The following SLC9A9 variants were observed in gnomAD, a reference collection of about 807,000 sequenced individuals.
SLC9A9 encodes sodium/hydrogen exchanger 9.
A neutral mutation model predicts 77.8 loss-of-function variants in SLC9A9; 62 were observed. The observed-to-expected ratio is 0.80, with a 90% confidence interval of 0.65 to 0.98. SLC9A9 has a LOEUF of 0.98. Ranked by LOEUF, SLC9A9 falls within the 50% of genes least tolerant of loss-of-function variation. The probability of loss-of-function intolerance (pLI) is 0.00; values close to 1 mark genes in which losing one functional copy is unlikely to be tolerated. For missense variants in SLC9A9, 775 were observed against 774.9 expected, an observed-to-expected ratio of 1.00 and a Z score of 0.00; for synonymous variants, 320 against 283.5, an observed-to-expected ratio of 1.13 and a Z score of -1.29.
chr3:143,815,399 C>T (rs936510882), intron 2 of SLC9A9, among the ~76,000 whole-genome samples: 2 of 152,156 alleles, frequency 1.3e-5, no homozygotes, highest in African/African-American at 4.8e-5. Flanking sequence ...TTAGAGGCCA[C>T]TAGTTGGGGA....
chr3:143,585,174 T>C (rs2037521192), intron 6 of SLC9A9, among the ~76,000 whole-genome samples: 1 of 152,166 alleles, frequency 6.6e-6, no homozygotes. Flanking sequence ...TTTCCTTGGG[T>C]TGGGTCAGTA....
intron 4 of SLC9A9, among the ~76,000 whole-genome samples, chr3:143,761,732 C>T (rs887964099): frequency 1.6e-4 from 25 of 152,298 alleles, no homozygotes; most frequent in Middle Eastern, 3.4e-3. Flanking sequence ...AACACTTTTA[C>T]ACTGTTGGTG....
chr3:143,370,567 GCACA>G (rs57705324), intron 13 of SLC9A9, among the ~76,000 whole-genome samples: 2,771 of 143,370 alleles, frequency 0.019, 22 homozygotes, highest in Non-Finnish European at 0.024. Flanking sequence ...GCATGTGCGC[GCACA>G]CACACACACA....
intron 11 of SLC9A9, among the ~76,000 whole-genome samples, chr3:143,485,204 A>G (rs1317159024): frequency 1.3e-5 from 2 of 152,270 alleles, no homozygotes; most frequent in East Asian, 3.9e-4. Flanking sequence ...AATATCAAAA[A>G]TCTGTGTTCT....
intron 8 of SLC9A9, among the ~76,000 whole-genome samples, chr3:143,562,755 T>TA (rs1278886703): frequency 2.6e-5 from 4 of 151,598 alleles, no homozygotes; most frequent in African/African-American, 9.7e-5. Context: ...AAGCAATCCT[T>TA]AAATGCAACT....
At chr3:143,357,053 C>T (rs1215995921) in intron 14 of SLC9A9, among the ~76,000 whole-genome samples, 1 of 152,166 alleles carries the variant, frequency 6.6e-6, no homozygotes, top group Non-Finnish European at 1.5e-5. Context: ...AGTTATAATG[C>T]CATGTGCATA....
At chr3:143,455,856 C>G (rs2035082081) in intron 12 of SLC9A9, among the ~76,000 whole-genome samples, 2 of 150,844 alleles carry the variant, frequency 1.3e-5, no homozygotes, top group South Asian at 4.2e-4. Context: ...GAAAATTGGG[C>G]ACTTTTATTT....
chr3:143,785,845 CTTTTTTTTTTTT>C (rs57552730), intron 4 of SLC9A9, among the ~76,000 whole-genome samples: 8 of 113,006 alleles, frequency 7.1e-5, no homozygotes, highest in South Asian at 2.7e-4. Context: ...TTGAATTTTT[CTTTTTTTTTTTT>C]TTTTTTTTTT....
At chr3:143,775,132 C>G (rs2007648984) in intron 4 of SLC9A9, among the ~76,000 whole-genome samples, 1 of 152,130 alleles carries the variant, frequency 6.6e-6, no homozygotes, top group African/African-American at 2.4e-5. Context: ...ATACTTAAAG[C>G]CTGAATATGC....
intron 12 of SLC9A9, among the ~76,000 whole-genome samples, chr3:143,400,101 A>T (rs1435241387): frequency 6.6e-6 from 1 of 152,154 alleles, no homozygotes; most frequent in African/African-American, 2.4e-5. Context: ...ACACATCTTG[A>T]CTTCAAAAAT....
chr3:143,549,256 TAA>T, intron 9 of SLC9A9, among the ~76,000 whole-genome samples: 1 of 152,326 alleles, frequency 6.6e-6, no homozygotes, highest in South Asian at 2.1e-4. Flanking sequence ...GTAGTGTGGC[TAA>T]GAGCCTCTGA....
chr3:143,740,130 G>A (rs553311675), intron 4 of SLC9A9, among the ~76,000 whole-genome samples: 17 of 152,222 alleles, frequency 1.1e-4, no homozygotes, highest in South Asian at 2.1e-4. Flanking sequence ...TAAAGAAGCC[G>A]CCAACTTGGT....
At chr3:143,363,341 T>C in intron 14 of SLC9A9, 143 bp downstream of exon 14, 3 of 772,262 alleles carry the variant, frequency 3.9e-6, no homozygotes, top group Non-Finnish European at 6.6e-6. Context: ...TATGAAATCA[T>C]TCCTTTTTAT....
chr3:143,809,252 C>T (rs951099271), intron 2 of SLC9A9, among the ~76,000 whole-genome samples: 5 of 152,176 alleles, frequency 3.3e-5, no homozygotes, highest in African/African-American at 1.2e-4. Flanking sequence ...ATCACTCAAC[C>T]AGAACATTTC....
chr3:143,469,235 A>T (rs1244939376), intron 11 of SLC9A9, among the ~76,000 whole-genome samples: 1 of 152,220 alleles, frequency 6.6e-6, no homozygotes, highest in Non-Finnish European at 1.5e-5. Flanking sequence ...TAAAAATAGA[A>T]ATATAGACTT....
chr3:143,549,345 A>T (rs561215975), intron 9 of SLC9A9, among the ~76,000 whole-genome samples: 86 of 152,316 alleles, frequency 5.6e-4, no homozygotes, highest in African/African-American at 2.0e-3. Context: ...GCATGCATAG[A>T]TATGCAAGTA....
chr3:143,847,158 G>A (rs1031813050), intron 1 of SLC9A9, among the ~76,000 whole-genome samples: 1 of 152,184 alleles, frequency 6.6e-6, no homozygotes, highest in Non-Finnish European at 1.5e-5. Context: ...TGAATCTCAG[G>A]CTTAGGAAAG....
At chr3:143,268,827 G>C (rs963626341) in intron 15 of SLC9A9, 48 bp downstream of exon 15, 3 of 1,420,928 alleles carry the variant, frequency 2.1e-6, no homozygotes, top group Non-Finnish European at 2.9e-6. Flanking sequence ...CACCAAGTCT[G>C]TCCCACAAGG....
rs187970270 is a variant in SLC9A9 at position 143,325,145 on chromosome 3, A to C, written c.1604+38339T>G. Among the ~76,000 whole-genome samples, 15 of 150,366 alleles carry C rather than the reference A, an allele frequency of 1.0e-4. No homozygotes were observed. The East Asian group carries it at 2.7e-3, about 27-fold the overall frequency. Reference sequence around the variant, plus strand: ...TAGTAGTGAGAACAGTTCTGAGATCACTCTCTGGTGGCCCTCCTTGAATTT... The same window carrying C: ...TAGTAGTGAGAACAGTTCTGAGATCCCTCTCTGGTGGCCCTCCTTGAATTT... On this transcript the variant is annotated intron_variant, in intron 14 of 15. Coordinates refer to ENST00000316549, the MANE Select transcript of SLC9A9 (RefSeq NM_173653.4).
Sources: gnomAD v4.1 joint callset for allele counts (sites outside exome capture counted in the v4.1 genomes callset) on GRCh38, gnomAD v4.1.1 for gene constraint, MANE v1.5 for transcripts, NCBI Gene and HGNC (gene_info 2026-07-23, HGNC 2026-07-21) for gene names.